TEP1: variants seen among roughly 807,000 people sequenced by gnomAD.
TEP1 encodes telomerase protein component 1.
A neutral mutation model predicts 306.3 loss-of-function variants in TEP1; 241 were observed. The ratio of observed to expected loss-of-function variants is 0.79; its 90% CI spans 0.71 to 0.88. The LOEUF (loss-of-function observed/expected upper bound fraction) is 0.88. TEP1 is among the 40% of genes least tolerant of loss of function. The probability of loss-of-function intolerance (pLI) is 0.00; values close to 1 mark genes in which losing one functional copy is unlikely to be tolerated. For synonymous variants in TEP1, 1,289 were observed against 1,305.5 expected, an observed-to-expected ratio of 0.99 and a Z score of 0.27; for missense variants, 3,051 against 3,276.1, an observed-to-expected ratio of 0.93 and a Z score of 1.68.
intron 9 of TEP1, among the ~76,000 whole-genome samples, chr14:20,398,904 CT>C (rs946748725): frequency 3.5e-4 from 51 of 147,112 alleles, no homozygotes; most frequent in African/African-American, 4.0e-4. Context: ...AGTCATCATT[CT>C]TTTTTTTTTT....
chr14:20,372,768 C>T lies in TEP1; in HGVS notation c.7041G>A (p.Val2347=). ...CGGGTGCCGAACCCTTCCGCAGTTT[C>T]ACTTGCCACTCGCTGATTTTCTCAT... The part of the protein sequence containing the change: ...SADEKISEWQ[V]KLRKGSAPGN... The change falls in exon 49 of 55, where the codon GTG becomes GTA. Residue 2347 remains valine, a synonymous_variant. Coordinates refer to ENST00000262715, the MANE Select transcript of TEP1 (RefSeq NM_007110.5). 6.2e-7 allele frequency: 1 copy of T among 1,614,122 alleles called. No homozygotes were observed. Among genetic ancestry groups the T allele is most frequent in the Non-Finnish European group, 8.5e-7 (1 of 1,180,026 alleles).
At chr14:20,373,206 C>G in intron 47 of TEP1, 59 bp from the exon 48 acceptor site, 1 of 1,612,906 alleles carries the variant, frequency 6.2e-7, no homozygotes, top group Non-Finnish European at 8.5e-7. Context: ...TAAGAGATAT[C>G]AGGCCACCCT....
rs1371050388 is a variant in TEP1 at position 20,380,974 on chromosome 14, T to C, written c.4719A>G (p.Glu1573=). The change falls in exon 33 of 55, where the codon GAA becomes GAG. Residue 1573 remains glutamate (E), a synonymous_variant. Transcript: ENST00000262715. ...CCAAGAGCCGAGAGACCAGACCCAATTCCAAGTGTGCAGCCACCACATGGA... is the reference window on the plus strand; with the variant it reads ...CCAAGAGCCGAGAGACCAGACCCAACTCCAAGTGTGCAGCCACCACATGGA... The part of the protein sequence containing the change: ...TNLHVVAAHL[E]LGLVSRLLEA... The C allele has an allele frequency of 1.9e-6, 3 of 1,613,986 alleles. No homozygotes were observed. Among genetic ancestry groups the C allele is most frequent in the Non-Finnish European group, 2.5e-6 (3 of 1,180,024 alleles).
intron 15 of TEP1, among the ~76,000 whole-genome samples, chr14:20,390,446 G>A (rs1429959766): frequency 1.3e-5 from 2 of 152,172 alleles, no homozygotes; most frequent in East Asian, 1.9e-4. Context: ...GCCACGGTAG[G>A]ACTGTTTACA....
At position 20,384,632 on chromosome 14, in the gene TEP1, GTAGC is replaced by G. The variant is rs779405382; in HGVS notation, c.3185_3188del (p.Ser1062ThrfsTer2). 1 of 1,613,988 alleles carries G rather than the reference GTAGC, an allele frequency of 6.2e-7. No homozygotes were observed. Among genetic ancestry groups the G allele is most frequent in the Non-Finnish European group, 8.5e-7 (1 of 1,180,020 alleles). On this transcript the variant is annotated frameshift_variant, in exon 22 of 55. Coordinates refer to ENST00000262715, the MANE Select transcript of TEP1 (RefSeq NM_007110.5). LOFTEE classifies it high-confidence loss of function. ...AGGTGATCCCTTTCTGTCTGCTTAGGTAGCTCTTCAGTTCTGAGATCCGACGTGC... is the reference window on the plus strand; with the variant it reads ...AGGTGATCCCTTTCTGTCTGCTTAGGTCTTCAGTTCTGAGATCCGACGTGC...
chr14:20,371,655 C>T, intron 49 of TEP1, 23 bp from the exon 50 acceptor site: 1 of 1,549,956 alleles, frequency 6.5e-7, no homozygotes, highest in Non-Finnish European at 8.6e-7. Flanking sequence ...AGTACATGGA[C>T]AGAGAAAGAT....
chr14:20,372,967 G>C (rs1884940657), intron 48 of TEP1, 44 bp downstream of exon 48: 1 of 1,613,634 alleles, frequency 6.2e-7, no homozygotes, highest in Admixed American at 1.7e-5. Flanking sequence ...ACACAGCCAG[G>C]GTAGAATTCA....
intron 1 of TEP1, among the ~76,000 whole-genome samples, chr14:20,411,072 A>C (rs1227914775): frequency 1.3e-5 from 2 of 151,196 alleles, no homozygotes; most frequent in Admixed American, 1.3e-4. Flanking sequence ...CACCCACCTC[A>C]GCCTCCCAAA....
At position 20,369,346 on chromosome 14, in the gene TEP1, T is replaced by G. The variant is rs1406217249; in HGVS notation, c.7654A>C (p.Lys2552Gln). 6.2e-7 allele frequency: 1 copy of G among 1,614,176 alleles called. No homozygotes were observed. The change falls in exon 53 of 55, where the codon AAG (lysine) becomes CAG (glutamine). Residue 2552 changes from lysine (K) to glutamine (Q), a missense_variant and splice_region_variant. Coordinates refer to ENST00000262715, the MANE Select transcript of TEP1 (RefSeq NM_007110.5). Reference protein sequence around the residue: ...TPHLKTRQRRKIHSGSVTALH... With the variant: ...TPHLKTRQRRQIHSGSVTALH... ...TCTGACCCTTCCTTCAAACTCACCT[T>G]TCTACGCTGCCGTGTCTTTAGATGT...
At position 20,381,060 on chromosome 14, in the gene TEP1, T is replaced by C. The variant is rs148250661; in HGVS notation, c.4648-15A>G. 1.7e-4 allele frequency: 280 copies of C among 1,604,772 alleles called. 2 individuals are homozygous for C. The East Asian group carries it at 2.3e-3, about 13-fold the overall frequency. On this transcript the variant is annotated splice_polypyrimidine_tract_variant and intron_variant, in intron 32 of 54. Coordinates refer to ENST00000262715, the MANE Select transcript of TEP1 (RefSeq NM_007110.5). The surrounding 1 kb of genome is among the most constrained non-coding windows in gnomAD (Gnocchi z 4.0). ...CCGCTCTGGAGCTGAGAAGGTCAGATTGAATTCATTAGGGATATGAAGGGG... is the reference window on the plus strand; with the variant it reads ...CCGCTCTGGAGCTGAGAAGGTCAGACTGAATTCATTAGGGATATGAAGGGG...
chr14:20,387,379 T>A (rs1386091650), intron 18 of TEP1, among the ~76,000 whole-genome samples: 13 of 149,188 alleles, frequency 8.7e-5, no homozygotes, highest in African/African-American at 3.2e-4. Context: ...AAACCCTGTC[T>A]CTACTAAAAA....
chr14:20,378,234 G>T lies in TEP1; in HGVS notation c.5511C>A (p.Asp1837Glu), dbSNP rs751256043. The T allele has an allele frequency of 7.4e-6, 12 of 1,613,422 alleles. No homozygotes were observed. Among genetic ancestry groups the T allele is most frequent in the Middle Eastern group, 1.6e-4 (1 of 6,084 alleles). The stretch of plus-strand genomic sequence containing the variant: ...GGATAGAGGCTCCGGGTGCCCCCAG[G>T]TCCTACACAGGGAGGTAGAAATGGA... Reference protein sequence around the residue: ...FQVDGLKVTKDLGAPGASIRT... With the variant: ...FQVDGLKVTKELGAPGASIRT... The change falls in exon 39 of 55, where the codon GAC becomes GAA. Residue 1837 changes from aspartate (D) to glutamate (E), a missense_variant and splice_region_variant. Physicochemically the swap from Asp to Glu is conservative, Grantham distance 45. Coordinates refer to ENST00000262715, the MANE Select transcript of TEP1 (RefSeq NM_007110.5).
Position 20,408,004 on chromosome 14 carries a change from T to G in TEP1, c.436A>C (p.Asn146His), listed in dbSNP as rs1187364465. The change falls in exon 2 of 55, where the codon AAC (asparagine) becomes CAC (histidine). Residue 146 changes from asparagine (N) to histidine (H), a missense_variant. Physicochemically the swap from Asn to His is moderately conservative, Grantham distance 68. Coordinates refer to ENST00000262715, the MANE Select transcript of TEP1 (RefSeq NM_007110.5). ...GGCTCAGAGAGCAGGCAATTGCTGT[T>G]GTTCACACGGTACAAATCAGCTTGC... ...MTQADLYRVN[N>H]SNCLLSEPPS... 1 of 1,614,074 alleles carries G rather than the reference T, an allele frequency of 6.2e-7. No homozygotes were observed. The highest frequency in any genetic ancestry group is 8.5e-7 in the Non-Finnish European group (1 of 1,180,036).
At chr14:20,390,916 T>C (rs370737721) in intron 14 of TEP1, 22 bp downstream of exon 14, 13 of 1,613,662 alleles carry the variant, frequency 8.1e-6, no homozygotes, top group Middle Eastern at 1.7e-4. Flanking sequence ...TATTTTTGGA[T>C]GGTGGGTGTT....
Position 20,381,243 on chromosome 14 carries a change from G to A in TEP1, c.4647+70C>T, listed in dbSNP as rs115218239. On this transcript the variant is annotated intron_variant, in intron 32 of 54. Transcript: ENST00000262715. This position sits in a 1 kb window ranked among gnomAD's most constrained non-coding sequence, Gnocchi z 4.0. ...CGGCGGTGATGGTGGAGATGGTAAC[G>A]GGGAGAGGGGTCTCAGAGCAACCAA... 6.0e-4 allele frequency: 888 copies of A among 1,483,646 alleles called. 4 individuals carry two copies. The African/African-American group carries it at 9.3e-3, about 16-fold the overall frequency. The allele number at this position is 1,483,646 out of a possible 1,614,324, so 91.9% of individuals were successfully genotyped here.
At chr14:20,413,079 G>A (rs890075003) in intron 1 of TEP1, among the ~76,000 whole-genome samples, 2 of 152,126 alleles carry the variant, frequency 1.3e-5, no homozygotes, top group African/African-American at 4.8e-5. Flanking sequence ...GTCCCCTTTC[G>A]ATGGGCACAC....
intron 7 of TEP1, among the ~76,000 whole-genome samples, chr14:20,401,819 CA>C (rs1468741246): frequency 1.2e-4 from 19 of 152,164 alleles, no homozygotes; most frequent in African/African-American, 4.6e-4. Flanking sequence ...AAGCAGTTAA[CA>C]TGGGTTGACT....
In TEP1 at chr14:20,377,606, A is replaced by T. The variant is rs1433520483; in HGVS notation, c.5869T>A (p.Ser1957Thr). The change falls in exon 40 of 55, where the codon TCT (serine) becomes ACT (threonine). Residue 1957 changes from serine (S) to threonine (T), a missense_variant. Ser to Thr is a moderately conservative substitution (Grantham distance 58, BLOSUM62 1). This residue lies in a region of TEP1 where 1,540 missense variants were observed against 1,705.9 expected (regional missense o/e 0.90). Coordinates refer to ENST00000262715, the MANE Select transcript of TEP1 (RefSeq NM_007110.5). Reference sequence around the variant, plus strand: ...CCCATTCCCATTTCAGTACCTGAAGAGATTTTGTAGATCCTAATGCCATCC... The same window carrying T: ...CCCATTCCCATTTCAGTACCTGAAGTGATTTTGTAGATCCTAATGCCATCC... The part of the protein sequence containing the change: ...RADGIRIYKI[S>T]SGSQGAQGQA... The T allele has an allele frequency of 6.2e-7, 1 of 1,614,160 alleles. No individual in the cohort carries two copies. Among genetic ancestry groups the T allele is most frequent in the Admixed American group, 1.7e-5 (1 of 60,020 alleles).
rs780744341 is a variant in TEP1, at chr14:20,408,007, T to C, written c.433A>G (p.Asn145Asp). Reference protein sequence around the residue: ...HMTQADLYRVNNSNCLLSEPP... With the variant: ...HMTQADLYRVDNSNCLLSEPP... ...TCAGAGAGCAGGCAATTGCTGTTGT[T>C]CACACGGTACAAATCAGCTTGCGTC... is the stretch of plus-strand genomic sequence containing the variant. The change falls in exon 2 of 55, where the codon AAC (asparagine) becomes GAC (aspartate). Residue 145 changes from asparagine (N) to aspartate (D), a missense_variant. By Grantham distance (23) the Asn-to-Asp change is conservative (BLOSUM62 1). Coordinates refer to ENST00000262715, the MANE Select transcript of TEP1 (RefSeq NM_007110.5). 1.1e-5 allele frequency: 17 copies of C among 1,614,184 alleles called. No individual in the cohort carries two copies. The highest frequency in any genetic ancestry group is 1.1e-5 in the Non-Finnish European group (13 of 1,180,030).
Sources: allele counts gnomAD v4.1 joint callset (sites outside exome capture counted in the v4.1 genomes callset), GRCh38; gene constraint gnomAD v4.1.1; regional missense constraint gnomAD v4.1.1; non-coding constraint Gnocchi (gnomAD v3.1); transcripts MANE v1.5; gene names NCBI Gene and HGNC (gene_info 2026-07-23, HGNC 2026-07-21).